Variants in NEK11 observed in about 807,000 individuals in gnomAD.
The protein encoded by NEK11 is NIMA related kinase 11.
In NEK11, 72 loss-of-function variants were observed where a neutral mutation model predicts 80.7. The observed-to-expected ratio is 0.89, with a 90% CI of 0.74 to 1.08. The LOEUF is 1.08. NEK11 is among the 50% of genes least tolerant of loss of function. The probability of loss-of-function intolerance (pLI) is 0.00; values close to 1 mark genes in which losing one functional copy is unlikely to be tolerated. For missense variants in NEK11, 764 were observed against 763.6 expected (o/e 1.00, Z -0.01); for synonymous variants, 251 against 260.7 (o/e 0.96, Z 0.36).
At chr3:131,187,187 C>G (rs2093633494) in intron 14 of NEK11, among the ~76,000 whole-genome samples, 1 of 152,092 alleles carries the variant, frequency 6.6e-6, no homozygotes, top group Non-Finnish European at 1.5e-5. Context: ...AAGTTAAATA[C>G]AATTAAAAAT....
At chr3:131,124,651 G>T (rs568264143) in intron 5 of NEK11, among the ~76,000 whole-genome samples, 2 of 152,116 alleles carry the variant, frequency 1.3e-5, no homozygotes, top group Non-Finnish European at 2.9e-5. Context: ...CCAAGAGTAG[G>T]CATAGAGAAA....
intron 14 of NEK11, among the ~76,000 whole-genome samples, chr3:131,210,932 G>A (rs936839526): frequency 6.6e-6 from 1 of 152,042 alleles, no homozygotes; most frequent in Non-Finnish European, 1.5e-5. Context: ...TATCCAATTT[G>A]CCAGTCTGTG....
At position 131,349,804 on chromosome 3, in the gene NEK11, A is replaced by G. The variant is rs374539304; in HGVS notation, c.*28A>G. 11 of 1,533,498 alleles carry G rather than the reference A, an allele frequency of 7.2e-6. No individual in the cohort carries two copies. Among genetic ancestry groups the G allele is most frequent in the Non-Finnish European group, 9.9e-6 (11 of 1,109,470 alleles). 95.0% of individuals were successfully genotyped at this position (1,533,498 alleles called of 1,614,324 possible). A position where few individuals can be genotyped will look rare whatever the true frequency, so the allele number is the denominator to read the frequency against. On this transcript the variant is annotated 3_prime_UTR_variant, in exon 18 of 18. Coordinates refer to ENST00000383366, the MANE Select transcript of NEK11 (RefSeq NM_024800.5). Reference sequence around the variant, plus strand: ...AACTATCAAAAAGAAGCAGAAGTTCAAGTGGACAAATTTATGTGAAAATTC... The same window carrying G: ...AACTATCAAAAAGAAGCAGAAGTTCGAGTGGACAAATTTATGTGAAAATTC...
At chr3:131,234,662 TC>T (rs2095398482) in intron 15 of NEK11, among the ~76,000 whole-genome samples, 1 of 151,988 alleles carries the variant, frequency 6.6e-6, no homozygotes, top group South Asian at 2.1e-4. Context: ...CCGTCATGAT[TC>T]TTCCCCCTTC....
chr3:131,257,453 A>C (rs1003342429), intron 16 of NEK11, among the ~76,000 whole-genome samples: 1 of 152,174 alleles, frequency 6.6e-6, no homozygotes, highest in Non-Finnish European at 1.5e-5. Context: ...ATGTAAGGCC[A>C]AAAATAACAA....
Position 131,133,919 on chromosome 3 carries a change from C to T in NEK11, c.610C>T (p.Leu204=). The change falls in exon 7 of 18, where the codon CTG becomes TTG. Residue 204 remains leucine (L), a synonymous_variant. Coordinates refer to ENST00000383366, the MANE Select transcript of NEK11 (RefSeq NM_024800.5). ...TCCCCATTATATGAGTCCTGAGGCT[C>T]TGAAACACCAAGGCTATGACACAAA... The part of the protein sequence containing the change: ...GTPHYMSPEA[L]KHQGYDTKSD... 1.2e-6 allele frequency: 2 copies of T among 1,611,572 alleles called. No individual in the cohort carries two copies. The highest frequency in any genetic ancestry group is 1.7e-6 in the Non-Finnish European group (2 of 1,178,508).
chr3:131,119,134 G>A lies in NEK11; in HGVS notation c.455+9213G>A, dbSNP rs181120691. Among the ~76,000 whole-genome samples the A allele has an allele frequency of 6.9e-3, 1,054 of 152,184 alleles. 15 individuals carry two copies. Among genetic ancestry groups the A allele is most frequent in the African/African-American group, 0.024 (977 of 41,514 alleles). Reference sequence around the variant, plus strand: ...TGCTATGAATTTCCCTCTACTCACCGCTTTAAATGTGTCCCAGAGATTCTG... The same window carrying A: ...TGCTATGAATTTCCCTCTACTCACCACTTTAAATGTGTCCCAGAGATTCTG... On this transcript the variant is annotated intron_variant, in intron 5 of 17. Coordinates refer to ENST00000383366, the MANE Select transcript of NEK11 (RefSeq NM_024800.5).
At chr3:131,273,444 A>T in intron 16 of NEK11, 34 bp from the exon 17 acceptor site, 3 of 1,549,944 alleles carry the variant, frequency 1.9e-6, no homozygotes, top group Non-Finnish European at 2.7e-6. Flanking sequence ...AGGATTGCTG[A>T]TGAAGTCAAT....
At chr3:131,087,804 T>C (rs2076205282) in intron 4 of NEK11, among the ~76,000 whole-genome samples, 2 of 152,214 alleles carry the variant, frequency 1.3e-5, no homozygotes, top group South Asian at 4.1e-4. Flanking sequence ...GAACTTCATA[T>C]TGGGTGTGTT....
At chr3:131,083,591 A>G (rs757905612) in intron 4 of NEK11, among the ~76,000 whole-genome samples, 3 of 152,220 alleles carry the variant, frequency 2.0e-5, no homozygotes, top group Non-Finnish European at 2.9e-5. Context: ...ATGGCAGGTG[A>G]CCAAAATTGC....
intron 14 of NEK11, among the ~76,000 whole-genome samples, chr3:131,225,045 T>A (rs1241941263): frequency 6.6e-6 from 1 of 152,198 alleles, no homozygotes; most frequent in Admixed American, 6.5e-5. Context: ...TGTAGTAGCG[T>A]ACAGTAATGT....
At position 131,037,771 on chromosome 3, in the gene NEK11, ATATCT is replaced by A. The variant is rs201703007; in HGVS notation, c.170+7895_170+7899del. ...GTCTGATTTATTTAATCATTTTAAC[ATATCT>A]TTACTTTCAATTTTGAGTCATTTTA... On this transcript the variant is annotated intron_variant, in intron 3 of 17. Coordinates refer to ENST00000383366, the MANE Select transcript of NEK11 (RefSeq NM_024800.5). Among the ~76,000 whole-genome samples the A allele has an allele frequency of 9.2e-3, 1,403 of 152,298 alleles. 20 individuals are homozygous for A. Among genetic ancestry groups the A allele is most frequent in the African/African-American group, 0.031 (1,289 of 41,562 alleles).
At chr3:131,119,983 T>A (rs951055143) in intron 5 of NEK11, among the ~76,000 whole-genome samples, 1 of 152,186 alleles carries the variant, frequency 6.6e-6, no homozygotes, top group Admixed American at 6.5e-5. Context: ...TTTACATTTA[T>A]GGTTAATATT....
intron 14 of NEK11, among the ~76,000 whole-genome samples, chr3:131,182,187 T>C (rs954392069): frequency 2.6e-5 from 4 of 151,364 alleles, no homozygotes; most frequent in African/African-American, 7.3e-5. Flanking sequence ...CAAGTAACTA[T>C]GGCAGCAAAA....
At chr3:131,223,183 T>A (rs1220257807) in intron 14 of NEK11, among the ~76,000 whole-genome samples, 1 of 152,176 alleles carries the variant, frequency 6.6e-6, no homozygotes, top group Non-Finnish European at 1.5e-5. Flanking sequence ...AGGCTTCAAG[T>A]TGGGTCTATG....
chr3:131,098,518 T>C (rs1321679506), intron 4 of NEK11, among the ~76,000 whole-genome samples: 1 of 152,122 alleles, frequency 6.6e-6, no homozygotes, highest in Non-Finnish European at 1.5e-5. Flanking sequence ...TTTTTTCATA[T>C]GTTTCTTGGC....
intron 17 of NEK11, among the ~76,000 whole-genome samples, chr3:131,290,015 T>A (rs955058417): frequency 6.6e-6 from 1 of 152,196 alleles, no homozygotes; most frequent in Admixed American, 6.5e-5. Context: ...ACAGGGCCTT[T>A]GATTGAAGCA....
chr3:131,316,608 AT>A (rs913061423), intron 17 of NEK11, among the ~76,000 whole-genome samples: 24 of 152,228 alleles, frequency 1.6e-4, no homozygotes, highest in African/African-American at 5.5e-4. Flanking sequence ...TATTTTGATT[AT>A]GTGTGTTTTT....
At chr3:131,305,709 T>C (rs2096716563) in intron 17 of NEK11, among the ~76,000 whole-genome samples, 1 of 152,200 alleles carries the variant, frequency 6.6e-6, no homozygotes, top group South Asian at 2.1e-4. Context: ...CTCCTGCTGC[T>C]AGAATTCCAG....
Sources: gnomAD v4.1 joint callset for allele counts (sites outside exome capture counted in the v4.1 genomes callset) on GRCh38, gnomAD v4.1.1 for gene constraint, MANE v1.5 for transcripts, NCBI Gene and HGNC (gene_info 2026-07-23, HGNC 2026-07-21) for gene names.